Variants in METRNL observed in about 807,000 individuals in gnomAD.
METRNL encodes the protein meteorin like, glial cell differentiation regulator.
Under a neutral mutation model 17.4 loss-of-function variants are expected in METRNL, and 9 were observed. The observed-to-expected ratio is 0.52, with a 90% confidence interval of 0.31 to 0.90. The LOEUF (loss-of-function observed/expected upper bound fraction) is 0.90. Ranked by LOEUF, METRNL falls within the 40% of genes least tolerant of loss-of-function variation. METRNL has a pLI of 0.05. For synonymous variants in METRNL, 215 were observed against 199.3 expected (o/e 1.08, Z -0.66); for missense variants, 408 against 430.7 (o/e 0.95, Z 0.47).
intron 2 of METRNL, among the ~76,000 whole-genome samples, chr17:83,089,279 C>T (rs572927410): frequency 4.6e-5 from 7 of 152,242 alleles, no homozygotes; most frequent in Non-Finnish European, 7.4e-5. Context: ...TCCCCGTCAC[C>T]GGCTCCTCTA....
intron 1 of METRNL, chr17:83,082,181 G>C: frequency 4.1e-6 from 4 of 985,488 alleles, no homozygotes; most frequent in Non-Finnish European, 4.8e-6. Flanking sequence ...CCCACTTGCT[G>C]TCAGCCCGGG....
At chr17:83,082,545 C>T (rs2038002029) in intron 1 of METRNL, among the ~76,000 whole-genome samples, 2 of 152,238 alleles carry the variant, frequency 1.3e-5, no homozygotes, top group African/African-American at 4.8e-5. Context: ...GAACGAACCA[C>T]GGTTTTGTCT....
At chr17:83,083,779 G>A (rs1183668880) in intron 1 of METRNL, among the ~76,000 whole-genome samples, 4 of 152,246 alleles carry the variant, frequency 2.6e-5, no homozygotes, top group Admixed American at 2.6e-4. Context: ...CTCTGCTGCA[G>A]AAAGGGTTTC....
chr17:83,081,772 A>C (rs1197637363), intron 1 of METRNL, among the ~76,000 whole-genome samples: 3 of 152,084 alleles, frequency 2.0e-5, no homozygotes, highest in African/African-American at 7.2e-5. Context: ...TGGAGGGGAC[A>C]CGGGGCCCGG....
rs138445824 is a variant in METRNL at position 83,085,148 on chromosome 17, G to C, written c.381G>C (p.Leu127=). Residue 127 remains leucine, a synonymous_variant, in exon 2 of 4, where the codon CTG becomes CTC. Coordinates refer to ENST00000320095, the MANE Select transcript of METRNL (RefSeq NM_001004431.3). ...ANIYLEKTGE[L]RLLVPDGDGR... ...TTTATTTGGAAAAAACTGGAGAACTGAGACTGCTGGTACCAGACGGGGACG... is the reference window on the plus strand; with the variant it reads ...TTTATTTGGAAAAAACTGGAGAACTCAGACTGCTGGTACCAGACGGGGACG... The C allele has an allele frequency of 3.8e-4, 608 of 1,613,468 alleles. 2 individuals are homozygous for C. Among genetic ancestry groups the C allele is most frequent in the Non-Finnish European group, 3.5e-5 (41 of 1,179,926 alleles).
chr17:83,090,650 G>GA (rs2038121564), intron 2 of METRNL, among the ~76,000 whole-genome samples: 1 of 150,496 alleles, frequency 6.6e-6, no homozygotes, highest in South Asian at 2.1e-4. Context: ...TCAGTGAGGG[G>GA]ACCCTCGGGT....
At chr17:83,080,633 C>T (rs1348644784) in intron 1 of METRNL, among the ~76,000 whole-genome samples, 4 of 124,886 alleles carry the variant, frequency 3.2e-5, no homozygotes. Flanking sequence ...TTGACTCAAG[C>T]GTGGCCGCCG....
chr17:83,080,988 C>CCCGCAG (rs1330179440), intron 1 of METRNL, among the ~76,000 whole-genome samples: 2 of 151,466 alleles, frequency 1.3e-5, no homozygotes, highest in African/African-American at 4.8e-5. Flanking sequence ...CGCAGGTCTC[C>CCCGCAG]CCGCAGCCGC....
At position 83,079,769 on chromosome 17, in the gene METRNL, C is replaced by T. The variant is rs1457683265; in HGVS notation, c.-47C>T. ...CGGCTCGCCGGCTCCGGGGTCTGCT[C>T]CGGGGGTCGCGGACGCGGGGCCGGG... On this transcript the variant is annotated 5_prime_UTR_variant, in exon 1 of 4. Coordinates refer to ENST00000320095, the MANE Select transcript of METRNL (RefSeq NM_001004431.3). 2 of 938,916 alleles carry T rather than the reference C, an allele frequency of 2.1e-6. No individual in the cohort carries two copies. The highest frequency in any genetic ancestry group is 3.9e-5 in the African/African-American group (2 of 51,676). 58.2% of individuals were successfully genotyped at this position (938,916 alleles called of 1,614,324 possible).
intron 1 of METRNL, chr17:83,084,019 T>C (rs1209872117): frequency 3.3e-5 from 5 of 152,242 alleles, no homozygotes; most frequent in African/African-American, 7.2e-5. Flanking sequence ...CTTGAAAATA[T>C]AACTGTTTCT....
At chr17:83,093,129 C>T (rs765217061) in intron 2 of METRNL, 38 bp from the exon 3 acceptor site, 15 of 1,572,502 alleles carry the variant, frequency 9.5e-6, no homozygotes, top group South Asian at 5.5e-5. Context: ...GAGCCTGTCC[C>T]GTCCAGGCTG....
At position 83,079,969 on chromosome 17, in the gene METRNL, T is replaced by C; in HGVS notation, c.154T>C (p.Cys52Arg). The C allele has an allele frequency of 9.9e-7, 1 of 1,012,340 alleles. No homozygotes were observed. Among genetic ancestry groups the C allele is most frequent in the Non-Finnish European group, 1.2e-6 (1 of 849,434 alleles). 62.7% of individuals were successfully genotyped at this position (1,012,340 alleles called of 1,614,324 possible). The change falls in exon 1 of 4, where the codon TGC (cysteine) becomes CGC (arginine). Residue 52 changes from cysteine (C) to arginine (R), a missense_variant. Cys to Arg is a radical substitution (Grantham distance 180). Coordinates refer to ENST00000320095, the MANE Select transcript of METRNL (RefSeq NM_001004431.3). ...GGGCGCGCAGTACTCCAGCGACCGG[T>C]GCAGCTGGAAGGGGAGGTGAGTGTG... The part of the protein sequence containing the change: ...GAGAQYSSDR[C>R]SWKGSGLTHE...
At chr17:83,081,274 C>T (rs867508060) in intron 1 of METRNL, among the ~76,000 whole-genome samples, 48 of 152,280 alleles carry the variant, frequency 3.2e-4, no homozygotes, top group Middle Eastern at 3.4e-3. Flanking sequence ...GTGATTCAGC[C>T]CCGGCTCGCT....
chr17:83,082,052 C>T (rs1023831398), intron 1 of METRNL: 7 of 984,878 alleles, frequency 7.1e-6, no homozygotes, highest in Non-Finnish European at 7.2e-6. Context: ...GCCTCTGTTG[C>T]TGGGTGTTTC....
intron 2 of METRNL, among the ~76,000 whole-genome samples, chr17:83,087,985 A>G (rs1405468814): frequency 6.6e-6 from 1 of 152,156 alleles, no homozygotes; most frequent in African/African-American, 2.4e-5. Context: ...CGTTGGTGTG[A>G]TCGTGGTGCG....
At chr17:83,091,292 T>C (rs1234370481) in intron 2 of METRNL, among the ~76,000 whole-genome samples, 1 of 152,134 alleles carries the variant, frequency 6.6e-6, no homozygotes, top group Non-Finnish European at 1.5e-5. Flanking sequence ...GATACCTTAA[T>C]GGAAGCAAAT....
At chr17:83,084,897 C>T (rs72854237) in intron 1 of METRNL, 41 bp from the exon 2 acceptor site, 96,264 of 1,571,990 alleles carry the variant, frequency 0.061, 3,222 homozygotes, top group Admixed American at 0.082. Flanking sequence ...GGGTGTGTGA[C>T]GGGAGCTCCG....
At position 83,079,786 on chromosome 17, in the gene METRNL, G is replaced by C. The variant is rs988306029; in HGVS notation, c.-30G>C. The C allele has an allele frequency of 3.2e-5, 31 of 962,402 alleles. No homozygotes were observed. Among genetic ancestry groups the C allele is most frequent in the African/African-American group, 1.8e-5 (1 of 55,738 alleles). The allele number at this position is 962,402 out of a possible 1,614,324, so 59.6% of individuals were successfully genotyped here. A position where few individuals can be genotyped will look rare whatever the true frequency, so the allele number is the denominator to read the frequency against. On this transcript the variant is annotated 5_prime_UTR_variant, in exon 1 of 4. Transcript: ENST00000320095. Reference sequence around the variant, plus strand: ...GGTCTGCTCCGGGGGTCGCGGACGCGGGGCCGGGCGGCGGAGCCGGCGCCA... The same window carrying C: ...GGTCTGCTCCGGGGGTCGCGGACGCCGGGCCGGGCGGCGGAGCCGGCGCCA...
chr17:83,082,986 C>A (rs568753961), intron 1 of METRNL, among the ~76,000 whole-genome samples: 3 of 152,362 alleles, frequency 2.0e-5, no homozygotes, highest in Admixed American at 2.0e-4. Flanking sequence ...GGTGCAGACC[C>A]GTCTGAGTGC....
Sources: allele counts gnomAD v4.1 joint callset (sites outside exome capture counted in the v4.1 genomes callset), GRCh38; gene constraint gnomAD v4.1.1; transcripts MANE v1.5; gene names NCBI Gene and HGNC (gene_info 2026-07-23, HGNC 2026-07-21).